NIBAN1: variants seen among roughly 807,000 people sequenced by gnomAD.
NIBAN1 encodes the protein protein Niban 1.
Under a neutral mutation model 75.1 loss-of-function variants are expected in NIBAN1, and 81 were observed. The ratio of observed to expected loss-of-function variants is 1.08; its 90% CI spans 0.90 to 1.30. The LOEUF is 1.30. Among genes scored for constraint, NIBAN1 ranks in the 50% most tolerant of loss-of-function variants. The probability of loss-of-function intolerance (pLI) is 0.00; values close to 1 mark genes in which losing one functional copy is unlikely to be tolerated. For missense variants in NIBAN1, 1,133 were observed against 1,128.1 expected, an observed-to-expected ratio of 1.00 and a Z score of -0.06; for synonymous variants, 436 against 424.8, an observed-to-expected ratio of 1.03 and a Z score of -0.32.
chr1:184,798,878 T>C lies in NIBAN1; in HGVS notation c.1555-688A>G, dbSNP rs536139525. ...ATCATAATTATTTTGCATTTGTTTT[T>C]GAGATTCATCCATGTTGCTGCATCT... On this transcript the variant is annotated intron_variant, in intron 12 of 13. Transcript: ENST00000367511. Among the ~76,000 whole-genome samples the C allele has an allele frequency of 7.9e-5, 12 of 152,318 alleles. No homozygotes were observed. The East Asian group carries it at 2.1e-3, about 27-fold the overall frequency.
intron 1 of NIBAN1, among the ~76,000 whole-genome samples, chr1:184,908,747 A>G (rs958419457): frequency 1.3e-5 from 2 of 152,184 alleles, no homozygotes; most frequent in Non-Finnish European, 2.9e-5. Flanking sequence ...ACCTCACAGC[A>G]CGCCTCCAAT....
intron 4 of NIBAN1, among the ~76,000 whole-genome samples, chr1:184,887,058 T>C (rs1273166514): frequency 2.0e-5 from 3 of 152,000 alleles, no homozygotes; most frequent in African/African-American, 7.3e-5. Context: ...GAGGCAGAGG[T>C]TGCAGTGAGC....
chr1:184,806,762 C>CT (rs397863517), intron 10 of NIBAN1, among the ~76,000 whole-genome samples: 1,621 of 131,194 alleles, frequency 0.012, 21 homozygotes, highest in South Asian at 0.046. Context: ...CAATATATAC[C>CT]TTTTTTTTTT....
chr1:184,874,367 G>A (rs1484878715), intron 5 of NIBAN1, among the ~76,000 whole-genome samples: 1 of 151,884 alleles, frequency 6.6e-6, no homozygotes, highest in Non-Finnish European at 1.5e-5. Flanking sequence ...TAACGATGAT[G>A]ATATATCCTT....
rs369902963 is a variant in NIBAN1, at chr1:184,823,746, C to T, written c.718-4G>A. On this transcript the variant is annotated splice_region_variant and splice_polypyrimidine_tract_variant and intron_variant, in intron 6 of 13. Transcript: ENST00000367511. Reference sequence around the variant, plus strand: ...CCATCACCAGGTTACTCAGGATCTGCGCAGCAGAAGACAGCCCAGAGTCGG... The same window carrying T: ...CCATCACCAGGTTACTCAGGATCTGTGCAGCAGAAGACAGCCCAGAGTCGG... 52 of 1,613,654 alleles carry T rather than the reference C, an allele frequency of 3.2e-5. No individual in the cohort carries two copies. Among genetic ancestry groups the T allele is most frequent in the African/African-American group, 6.7e-5 (5 of 74,918 alleles).
chr1:184,941,778 T>TGGTA (rs1658094574), intron 1 of NIBAN1, among the ~76,000 whole-genome samples: 2 of 152,172 alleles, frequency 1.3e-5, no homozygotes, highest in African/African-American at 4.8e-5. Flanking sequence ...GTTTACTAAA[T>TGGTA]GCCAGTCAGA....
Position 184,818,620 on chromosome 1 carries a change from C to T in NIBAN1, c.1173+18G>A. ...CAGGCAGACCATTCACACCCAGCTC[C>T]TCAGCTTTGTATCCTACCTCCTTTA... On this transcript the variant is annotated intron_variant, in intron 9 of 13. Transcript: ENST00000367511. 6.4e-7 allele frequency: 1 copy of T among 1,561,570 alleles called. No homozygotes were observed. Among genetic ancestry groups the T allele is most frequent in the Non-Finnish European group, 8.7e-7 (1 of 1,144,972 alleles).
intron 1 of NIBAN1, among the ~76,000 whole-genome samples, chr1:184,932,700 T>C (rs1049838291): frequency 3.3e-5 from 5 of 152,220 alleles, no homozygotes; most frequent in Non-Finnish European, 7.3e-5. Context: ...CTTTTGTATA[T>C]TTGACTTATT....
At chr1:184,797,243 G>A (rs1033775352) in intron 13 of NIBAN1, among the ~76,000 whole-genome samples, 12 of 150,462 alleles carry the variant, frequency 8.0e-5, no homozygotes, top group Non-Finnish European at 1.6e-4. Flanking sequence ...GGATTCAAGC[G>A]ATTCTCCTAC....
chr1:184,884,952 G>GT, intron 4 of NIBAN1, 152 bp from the exon 5 acceptor site: 2 of 974,676 alleles, frequency 2.1e-6, no homozygotes, highest in Non-Finnish European at 3.0e-6. Context: ...TGGGAGCACT[G>GT]GCTCCTCTGG....
At chr1:184,838,189 T>G (rs954720092) in intron 5 of NIBAN1, among the ~76,000 whole-genome samples, 1 of 152,226 alleles carries the variant, frequency 6.6e-6, no homozygotes, top group Non-Finnish European at 1.5e-5. Context: ...TAGCCTGTAT[T>G]TCTGCTTTTG....
At chr1:184,811,656 C>T (rs1654383919) in intron 9 of NIBAN1, among the ~76,000 whole-genome samples, 1 of 151,882 alleles carries the variant, frequency 6.6e-6, no homozygotes, top group Admixed American at 6.6e-5. Context: ...CCACGCCCGG[C>T]TAATTTTTGG....
chr1:184,966,859 T>G, intron 1 of NIBAN1, among the ~76,000 whole-genome samples: 1 of 152,224 alleles, frequency 6.6e-6, no homozygotes, highest in Non-Finnish European at 1.5e-5. Context: ...ATGGACCTTT[T>G]AAAAGTCACT....
At chr1:184,809,665 GTGTGTGTGTATATATATATACATATATA>G (rs1230853533) in intron 9 of NIBAN1, among the ~76,000 whole-genome samples, 92 of 136,052 alleles carry the variant, frequency 6.8e-4, no homozygotes, top group South Asian at 6.8e-3. Flanking sequence ...ACATATATAT[GTGTGTGTGTATATATATATACATATATA>G]TGTGTATACA....
chr1:184,884,735 A>G lies in NIBAN1; in HGVS notation c.499T>C (p.Trp167Arg). Residue 167 changes from tryptophan (W) to arginine (R), a missense_variant, in exon 5 of 14, where the codon TGG (tryptophan) becomes CGG (arginine). Coordinates refer to ENST00000367511, the MANE Select transcript of NIBAN1 (RefSeq NM_052966.4). ...TAGCCGTGTCTGAAGAAGGGCTGCC[A>G]CAGGTACACTGGGAATTCCTTGGGC... is the stretch of plus-strand genomic sequence containing the variant. ...VLPKEFPVYL[W>R]QPFFRHGYFC... 1 of 1,614,234 alleles carries G rather than the reference A, an allele frequency of 6.2e-7. No homozygotes were observed. The highest frequency in any genetic ancestry group is 8.5e-7 in the Non-Finnish European group (1 of 1,180,018).
At chr1:184,895,735 C>T (rs1337542581) in intron 2 of NIBAN1, among the ~76,000 whole-genome samples, 2 of 152,072 alleles carry the variant, frequency 1.3e-5, no homozygotes, top group Non-Finnish European at 2.9e-5. Flanking sequence ...TTTGGAGTCT[C>T]CAGAGTCTAT....
chr1:184,913,650 G>A (rs973949573), intron 1 of NIBAN1, among the ~76,000 whole-genome samples: 1 of 151,966 alleles, frequency 6.6e-6, no homozygotes, highest in Non-Finnish European at 1.5e-5. Context: ...ATTTTTATAG[G>A]TGAAAACCAA....
intron 5 of NIBAN1, among the ~76,000 whole-genome samples, chr1:184,880,640 G>A (rs1192067296): frequency 6.6e-6 from 1 of 152,150 alleles, no homozygotes; most frequent in Non-Finnish European, 1.5e-5. Context: ...GCCAAGAAAT[G>A]ATTATCCTGA....
At chr1:184,918,423 C>T (rs1327435717) in intron 1 of NIBAN1, among the ~76,000 whole-genome samples, 2 of 152,186 alleles carry the variant, frequency 1.3e-5, no homozygotes, top group Non-Finnish European at 2.9e-5. Flanking sequence ...TAAAAGCCAC[C>T]TTGGGTTCTT....
Sources: gnomAD v4.1 joint callset for allele counts (sites outside exome capture counted in the v4.1 genomes callset) on GRCh38, gnomAD v4.1.1 for gene constraint, MANE v1.5 for transcripts, NCBI Gene and HGNC (gene_info 2026-07-23, HGNC 2026-07-21) for gene names.